The following SND1 variants were observed in gnomAD, a reference collection of about 807,000 sequenced individuals.
SND1 encodes the protein staphylococcal nuclease and tudor domain containing 1.
In SND1, 38 loss-of-function variants were observed where a neutral mutation model predicts 121.7. The ratio of observed to expected loss-of-function variants is 0.31; its 90% CI spans 0.24 to 0.41. The LOEUF is 0.41. SND1 is among the 10% of genes least tolerant of loss of function. SND1 has a pLI of 1.00. For missense variants in SND1, 868 were observed against 1,184.6 expected, an observed-to-expected ratio of 0.73 and a Z score of 3.92; for synonymous variants, 401 against 447.4, an observed-to-expected ratio of 0.90 and a Z score of 1.31.
At chr7:127,738,460 A>G (rs1325631890) in intron 10 of SND1, among the ~76,000 whole-genome samples, 1 of 151,606 alleles carries the variant, frequency 6.6e-6, no homozygotes, top group Non-Finnish European at 1.5e-5. Context: ...TTGCATTTTT[A>G]GTAGAGAGGG....
intron 10 of SND1, among the ~76,000 whole-genome samples, chr7:127,740,536 A>C (rs73234893): frequency 0.026 from 3,892 of 152,332 alleles, 69 homozygotes; most frequent in Non-Finnish European, 0.037. Context: ...AACATGGCTC[A>C]ATCAGCAGAA....
At chr7:127,662,050 A>G (rs1020063863) in intron 1 of SND1, among the ~76,000 whole-genome samples, 1 of 151,998 alleles carries the variant, frequency 6.6e-6, no homozygotes, top group Admixed American at 6.6e-5. Flanking sequence ...TGGGAGGTGG[A>G]GGTTGCAGTG....
intron 16 of SND1, among the ~76,000 whole-genome samples, chr7:128,053,116 C>G (rs1329614985): frequency 6.6e-6 from 1 of 152,176 alleles, no homozygotes; most frequent in Non-Finnish European, 1.5e-5. Context: ...ATTAGAGACA[C>G]AATTATGGGG....
At chr7:127,750,935 TCTTCC>T (rs1797079623) in intron 10 of SND1, among the ~76,000 whole-genome samples, 1 of 152,228 alleles carries the variant, frequency 6.6e-6, no homozygotes, top group Non-Finnish European at 1.5e-5. Flanking sequence ...TTTCGCACAT[TCTTCC>T]CTTCCATTTA....
In SND1 at chr7:127,765,003, G is replaced by A. The variant is rs1349718128; in HGVS notation, c.1153-42481G>A. 2.0e-5 allele frequency among the ~76,000 whole-genome samples: 3 copies of A among 152,212 alleles called. No individual in the cohort carries two copies. In the East Asian group the frequency reaches 5.8e-4, roughly 29 times the overall value. On this transcript the variant is annotated intron_variant, in intron 10 of 23. Transcript: ENST00000354725. ...GTGTCGCTGTTGATGAATGGGAGGA[G>A]ATTAAAGCCTGATTTTTGCAACGAG...
rs1793793785 is a variant in SND1, at chr7:128,092,206, T to A, written c.*148T>A. ...TGTGGAAATGTCTCGTGGGGTGGCATCGGGGCTGCGGGGTGGGGACCCCAA... is the reference window on the plus strand; with the variant it reads ...TGTGGAAATGTCTCGTGGGGTGGCAACGGGGCTGCGGGGTGGGGACCCCAA... On this transcript the variant is annotated 3_prime_UTR_variant, in exon 24 of 24. Transcript: ENST00000354725. The surrounding 1 kb of genome is among the most constrained non-coding windows in gnomAD (Gnocchi z 4.9). 1 of 850,984 alleles carries A rather than the reference T, an allele frequency of 1.2e-6. No individual in the cohort carries two copies. Among genetic ancestry groups the A allele is most frequent in the Non-Finnish European group, 1.8e-6 (1 of 545,368 alleles). The allele number at this position is 850,984 out of a possible 1,614,324, so 52.7% of individuals were successfully genotyped here.
At chr7:127,825,854 C>G (rs1490050173) in intron 11 of SND1, among the ~76,000 whole-genome samples, 2 of 152,160 alleles carry the variant, frequency 1.3e-5, no homozygotes, top group South Asian at 2.1e-4. Flanking sequence ...TTTTCTTTCA[C>G]TTATACATTT....
chr7:127,811,348 G>T (rs546924020), intron 11 of SND1, among the ~76,000 whole-genome samples: 9 of 152,188 alleles, frequency 5.9e-5, no homozygotes, highest in Non-Finnish European at 1.0e-4. Context: ...AGGGTGTGGA[G>T]ATGGAAATGA....
chr7:127,687,464 C>T (rs1425655715), intron 2 of SND1, among the ~76,000 whole-genome samples: 1 of 152,122 alleles, frequency 6.6e-6, no homozygotes, highest in African/African-American at 2.4e-5. Flanking sequence ...TCTCACCCCC[C>T]TCACTCCTTC....
intron 16 of SND1, among the ~76,000 whole-genome samples, chr7:128,045,600 A>G (rs1453438760): frequency 6.6e-6 from 1 of 152,234 alleles, no homozygotes; most frequent in African/African-American, 2.4e-5. Context: ...ACTTTAGGCT[A>G]TATGTGTTTT....
chr7:127,989,145 C>T (rs912530764), intron 15 of SND1, among the ~76,000 whole-genome samples: 1 of 152,164 alleles, frequency 6.6e-6, no homozygotes, highest in African/African-American at 2.4e-5. Flanking sequence ...ATACGTTCCA[C>T]CCCTCCCTTG....
chr7:127,822,986 T>C (rs1303667373), intron 11 of SND1, among the ~76,000 whole-genome samples: 6 of 152,226 alleles, frequency 3.9e-5, no homozygotes, highest in African/African-American at 9.6e-5. Context: ...AGTGCAGTGC[T>C]TGGGCACATT....
At chr7:127,862,422 A>T (rs990474873) in intron 12 of SND1, among the ~76,000 whole-genome samples, 8 of 152,058 alleles carry the variant, frequency 5.3e-5, no homozygotes, top group African/African-American at 1.7e-4. Flanking sequence ...TTTATAAGTT[A>T]CCCATTCTCT....
intron 11 of SND1, among the ~76,000 whole-genome samples, chr7:127,809,343 CT>C (rs1798293761): frequency 6.6e-6 from 1 of 152,174 alleles, no homozygotes; most frequent in Non-Finnish European, 1.5e-5. Flanking sequence ...TATTGTATCC[CT>C]GAGTAGTGAG....
At chr7:127,713,867 G>A (rs915747082) in intron 9 of SND1, among the ~76,000 whole-genome samples, 1 of 152,246 alleles carries the variant, frequency 6.6e-6, no homozygotes, top group Admixed American at 6.5e-5. Context: ...GGTTAGCAGA[G>A]AAGCATGTTC....
At chr7:127,703,678 C>T (rs1796143268) in intron 7 of SND1, among the ~76,000 whole-genome samples, 1 of 152,158 alleles carries the variant, frequency 6.6e-6, no homozygotes, top group African/African-American at 2.4e-5. Flanking sequence ...CACCACTGCA[C>T]TCCAGTCTGG....
rs139584487 is a variant in SND1, at chr7:127,728,937, T to C, written c.1152+7537T>C. On this transcript the variant is annotated intron_variant, in intron 10 of 23. Transcript: ENST00000354725. ...TGTTTTTTACTGCTTCCTAATTGGA[T>C]TGCTTGTTTTGCTGGCTAGGTCACA... Among the ~76,000 whole-genome samples, 473 of 152,218 alleles carry C rather than the reference T, an allele frequency of 3.1e-3. 2 individuals are homozygous for C. Among genetic ancestry groups the C allele is most frequent in the African/African-American group, 9.8e-3 (406 of 41,518 alleles).
At chr7:127,671,061 A>G (rs975255526) in intron 1 of SND1, among the ~76,000 whole-genome samples, 1 of 152,320 alleles carries the variant, frequency 6.6e-6, no homozygotes, top group Non-Finnish European at 1.5e-5. Flanking sequence ...ATAGTTTGAT[A>G]TTCAAATTCT....
chr7:127,993,335 T>A (rs1171970034), intron 16 of SND1, among the ~76,000 whole-genome samples: 3 of 152,260 alleles, frequency 2.0e-5, no homozygotes, highest in Non-Finnish European at 4.4e-5. Flanking sequence ...TGGGGAATGC[T>A]TCTCTTTGTC....
Sources: gnomAD v4.1 joint callset for allele counts (sites outside exome capture counted in the v4.1 genomes callset) on GRCh38, gnomAD v4.1.1 for gene constraint, Gnocchi (gnomAD v3.1) non-coding constraint, MANE v1.5 for transcripts, NCBI Gene and HGNC (gene_info 2026-07-23, HGNC 2026-07-21) for gene names.